Variants in OCA2 observed in about 807,000 individuals in gnomAD.
OCA2 encodes OCA2 melanosomal transmembrane protein, also known as P protein.
Under a neutral mutation model 100.2 loss-of-function variants are expected in OCA2, and 77 were observed. That is an observed-to-expected ratio of 0.77 (90% CI 0.64 to 0.93). The LOEUF (loss-of-function observed/expected upper bound fraction) is 0.93. Among genes scored for constraint, OCA2 ranks in the 40% least tolerant of loss-of-function variants. OCA2 has a pLI of 0.00. For synonymous variants in OCA2, 432 were observed against 439.2 expected (o/e 0.98, Z 0.21); for missense variants, 1,062 against 1,089.1 (o/e 0.98, Z 0.35).
intron 23 of OCA2, among the ~76,000 whole-genome samples, chr15:27,795,370 C>T (rs1348295790): frequency 2.0e-5 from 3 of 152,054 alleles, no homozygotes; most frequent in African/African-American, 7.2e-5. Context: ...AAGCTCCTTC[C>T]ATTCCTCCTC....
At chr15:27,753,813 C>T (rs949546033), downstream of OCA2, among the ~76,000 whole-genome samples, 25 of 151,742 alleles carry the variant, frequency 1.6e-4, no homozygotes, top group Non-Finnish European at 5.9e-5. Context: ...GAGAGAGGCA[C>T]CAACGAGGAG....
intron 19 of OCA2, among the ~76,000 whole-genome samples, chr15:27,900,248 T>A (rs557423324): frequency 6.6e-6 from 1 of 152,270 alleles, no homozygotes; most frequent in Non-Finnish European, 1.5e-5. Context: ...AGATTTAAGA[T>A]GCTAATGAGA....
At chr15:28,070,314 G>C (rs1476866896) in intron 2 of OCA2, among the ~76,000 whole-genome samples, 1 of 142,408 alleles carries the variant, frequency 7.0e-6, no homozygotes, top group Non-Finnish European at 1.5e-5. Flanking sequence ...GGGAGGTGGG[G>C]GGGGGTCAGC....
At chr15:28,091,724 G>A (rs1312476450) in intron 1 of OCA2, among the ~76,000 whole-genome samples, 1 of 152,190 alleles carries the variant, frequency 6.6e-6, no homozygotes, top group Non-Finnish European at 1.5e-5. Context: ...GGGAGGCTGA[G>A]GCAGGAGGAT....
intron 19 of OCA2, among the ~76,000 whole-genome samples, chr15:27,892,955 A>T (rs1440257368): frequency 6.6e-6 from 1 of 152,240 alleles, no homozygotes; most frequent in African/African-American, 2.4e-5. Context: ...AAATTTGGCA[A>T]CTAAAAAGAA....
intron 9 of OCA2, among the ~76,000 whole-genome samples, chr15:27,991,608 G>C (rs2041558049): frequency 6.6e-6 from 1 of 152,152 alleles, no homozygotes. Context: ...GGATCCTTAT[G>C]GGGTGATGAA....
At chr15:27,966,646 T>G in intron 15 of OCA2, 44 bp downstream of exon 15, 1 of 1,608,400 alleles carries the variant, frequency 6.2e-7, no homozygotes, top group Non-Finnish European at 8.5e-7. Flanking sequence ...AACAATATTA[T>G]GGTCATGAAA....
intron 21 of OCA2, 113 bp downstream of exon 21, chr15:27,871,041 G>A (rs2036547586): frequency 1.2e-6 from 1 of 822,200 alleles, no homozygotes; most frequent in Non-Finnish European, 2.1e-6. Context: ...CTCTACACCT[G>A]TGAGTGCAGC....
intron 23 of OCA2, among the ~76,000 whole-genome samples, chr15:27,843,340 A>C (rs925759698): frequency 2.0e-5 from 3 of 152,092 alleles, no homozygotes; most frequent in Non-Finnish European, 4.4e-5. Flanking sequence ...CTTGTCTCTG[A>C]TCCCCTCTCT....
At chr15:27,899,884 C>G (rs953500589) in intron 19 of OCA2, among the ~76,000 whole-genome samples, 1 of 152,172 alleles carries the variant, frequency 6.6e-6, no homozygotes, top group Non-Finnish European at 1.5e-5. Context: ...GAGATAGGAG[C>G]ACTCCCTCCC....
intron 14 of OCA2, among the ~76,000 whole-genome samples, chr15:27,980,345 T>C (rs913243718): frequency 3.3e-5 from 5 of 151,922 alleles, no homozygotes; most frequent in African/African-American, 1.2e-4. Context: ...ACCAGGATGG[T>C]CCTGATCTCC....
chr15:27,858,862 G>A lies in OCA2; in HGVS notation c.2245-7387C>T, dbSNP rs77498771. On this transcript the variant is annotated intron_variant, in intron 21 of 23. Coordinates refer to ENST00000354638, the MANE Select transcript of OCA2 (RefSeq NM_000275.3). ...ATACATAGTATCTTTTCTAATTACAGTAGAATGAAACTAGAAATCAGTAAC... is the reference window on the plus strand; with the variant it reads ...ATACATAGTATCTTTTCTAATTACAATAGAATGAAACTAGAAATCAGTAAC... 9.5e-3 allele frequency among the ~76,000 whole-genome samples: 1,445 copies of A among 151,980 alleles called. 11 individuals carry two copies. Among genetic ancestry groups the A allele is most frequent in the Non-Finnish European group, 0.016 (1,085 of 67,930 alleles).
At chr15:27,917,486 T>A (rs990556102) in intron 19 of OCA2, among the ~76,000 whole-genome samples, 1 of 152,002 alleles carries the variant, frequency 6.6e-6, no homozygotes, top group African/African-American at 2.4e-5. Flanking sequence ...ATTGGAAGAG[T>A]CCTTCCTGGA....
chr15:27,986,743 A>G, intron 11 of OCA2, 100 bp from the exon 12 acceptor site: 1 of 807,404 alleles, frequency 1.2e-6, no homozygotes, highest in Non-Finnish European at 2.2e-6. Context: ...TGGCCTCTGA[A>G]AGCCACCACA....
intron 23 of OCA2, among the ~76,000 whole-genome samples, chr15:27,799,570 T>C (rs2173416): frequency 0.76 from 115,396 of 151,882 alleles, 45,358 homozygotes; most frequent in East Asian, 1. Flanking sequence ...CATCGTGAAA[T>C]CCCATCTCTA....
chr15:27,902,920 C>T (rs903389941), intron 19 of OCA2, among the ~76,000 whole-genome samples: 14 of 152,248 alleles, frequency 9.2e-5, no homozygotes, highest in African/African-American at 3.4e-4. Flanking sequence ...CACCTGAGCA[C>T]GTGGGCGCTG....
intron 1 of OCA2, among the ~76,000 whole-genome samples, chr15:28,093,355 G>T (rs1007842341): frequency 6.6e-6 from 1 of 151,718 alleles, no homozygotes. Flanking sequence ...CCAGGAGGTG[G>T]AAGTTGCAGT....
intron 23 of OCA2, among the ~76,000 whole-genome samples, chr15:27,789,254 C>T (rs2032969123): frequency 6.6e-6 from 1 of 151,718 alleles, no homozygotes; most frequent in African/African-American, 2.4e-5. Flanking sequence ...TTGTAATTTC[C>T]ATTCCTTTCT....
intron 19 of OCA2, among the ~76,000 whole-genome samples, chr15:27,897,586 G>C (rs2151630058): frequency 6.6e-6 from 1 of 152,358 alleles, no homozygotes. Flanking sequence ...GAATGTATGG[G>C]AACACCTGGA....
Sources: gnomAD v4.1 joint callset for allele counts (sites outside exome capture counted in the v4.1 genomes callset) on GRCh38, gnomAD v4.1.1 for gene constraint, MANE v1.5 for transcripts, NCBI Gene and HGNC (gene_info 2026-07-23, HGNC 2026-07-21) for gene names.